The following PLA2R1 variants were observed in gnomAD, a reference collection of about 807,000 sequenced individuals.
PLA2R1 encodes the protein secretory phospholipase A2 receptor.
In PLA2R1, 158 loss-of-function variants were observed where a neutral mutation model predicts 195.9. The ratio of observed to expected loss-of-function variants is 0.81; its 90% confidence interval spans 0.71 to 0.92. PLA2R1 has a LOEUF of 0.92. Among genes scored for constraint, PLA2R1 ranks in the 40% least tolerant of loss-of-function variants. PLA2R1 has a pLI of 0.00. For missense variants in PLA2R1, 1,626 were observed against 1,764.6 expected (o/e 0.92, Z 1.41); for synonymous variants, 586 against 598.2 (o/e 0.98, Z 0.30).
chr2:160,029,779 C>A lies in PLA2R1; in HGVS notation c.842-816G>T, dbSNP rs1022198094. 3.9e-5 allele frequency among the ~76,000 whole-genome samples: 6 copies of A among 152,144 alleles called. No individual in the cohort carries two copies. In the East Asian group the frequency reaches 5.8e-4, roughly 15 times the overall value. On this transcript the variant is annotated intron_variant, in intron 4 of 29. Coordinates refer to ENST00000283243, the MANE Select transcript of PLA2R1 (RefSeq NM_007366.5). ...CAGCAAAATTTCGGGGGGAAAAAAA[C>A]CAAAACCTAGTGTCAGAAACATAAT...
rs191461860 is a variant in PLA2R1, at chr2:160,022,898, T to C, written c.1100-39A>G. On this transcript the variant is annotated intron_variant, in intron 6 of 29. Coordinates refer to ENST00000283243, the MANE Select transcript of PLA2R1 (RefSeq NM_007366.5). ...CAAAAAACAATGTCATTTTCCACAA[T>C]TATTTTAACATTACTTATTACAGCT... 74 of 1,392,122 alleles carry C rather than the reference T, an allele frequency of 5.3e-5. 3 individuals carry two copies. In the East Asian group the frequency reaches 1.1e-3, roughly 20 times the overall value. 86.2% of individuals were successfully genotyped at this position (1,392,122 alleles called of 1,614,324 possible).
chr2:159,943,446 T>C (rs1489033909), intron 28 of PLA2R1, among the ~76,000 whole-genome samples: 1 of 152,206 alleles, frequency 6.6e-6, no homozygotes, highest in African/African-American at 2.4e-5. Context: ...TATAGTGTAC[T>C]TGGGATAACC....
chr2:160,038,517 A>G lies in PLA2R1; in HGVS notation c.667+3508T>C, dbSNP rs115540774. 5.8e-3 allele frequency among the ~76,000 whole-genome samples: 890 copies of G among 152,322 alleles called. 4 individuals carry two copies. The highest frequency in any genetic ancestry group is 0.02 in the African/African-American group (831 of 41,568). On this transcript the variant is annotated intron_variant, in intron 3 of 29. Transcript: ENST00000283243. The stretch of plus-strand genomic sequence containing the variant: ...GAGCCCAGGTGGGGAGACTTGGCCC[A>G]TGTAGGAGGAGGAACATCATCCTCG...
chr2:159,949,985 C>G lies in PLA2R1; in HGVS notation c.3541-209G>C, dbSNP rs138292225. Among the ~76,000 whole-genome samples the G allele has an allele frequency of 4.7e-3, 720 of 152,338 alleles. 4 individuals carry two copies. Among genetic ancestry groups the G allele is most frequent in the South Asian group, 7.5e-3 (36 of 4,822 alleles). On this transcript the variant is annotated intron_variant, in intron 24 of 29. Transcript: ENST00000283243. ...TTGATTTTTAGGAATTCTTGGCTCC[C>G]TGCCACAATGATTTTCTAGTGAGCA...
At position 160,062,333 on chromosome 2, in the gene PLA2R1, G is replaced by A; in HGVS notation, c.71C>T (p.Ala24Val). ...GAPRGCAEGV[A>V]AALTPERLLE... ...GAGCCGCTCGGGGGTAAGCGCCGCC[G>A]CCACACCCTCGGCGCAGCCCCGCGG... Residue 24 changes from alanine to valine, a missense_variant, in exon 1 of 30, where the codon GCG becomes GTG. By Grantham distance (64) the Ala-to-Val change is moderately conservative. Transcript: ENST00000283243. 6.5e-7 allele frequency: 1 copy of A among 1,527,806 alleles called. No homozygotes were observed. The highest frequency in any genetic ancestry group is 8.8e-7 in the Non-Finnish European group (1 of 1,137,822). 94.6% of individuals were successfully genotyped at this position (1,527,806 alleles called of 1,614,324 possible).
intron 20 of PLA2R1, among the ~76,000 whole-genome samples, chr2:159,963,301 A>C: frequency 6.6e-6 from 1 of 152,224 alleles, no homozygotes; most frequent in East Asian, 1.9e-4. Flanking sequence ...ACAAACACAC[A>C]GGGGCAAATC....
At chr2:159,924,708 G>A in the PLA2R1 span, among the ~76,000 whole-genome samples, 22,867 of 99,246 alleles carry the variant, frequency 0.23, 2,099 homozygotes, top group South Asian at 0.49. Flanking sequence ...CTAGAAAACA[G>A]TTTTCTTTTA....
In PLA2R1 at chr2:159,956,524, C is replaced by G. The variant is rs545050830; in HGVS notation, c.3008G>C (p.Ser1003Thr). ...GAGTACTCTACCTTGCTCCACCTCA[C>G]TTTCAATGGCGACCAGGGTCCCCCC... is the stretch of plus-strand genomic sequence containing the variant. ...EEGGTLVAIE[S>T]EVEQAFITMN... is the part of the protein sequence containing the mutation. The change falls in exon 21 of 30, where the codon AGT becomes ACT. Residue 1003 changes from serine to threonine, a missense_variant. Coordinates refer to ENST00000283243, the MANE Select transcript of PLA2R1 (RefSeq NM_007366.5). 1 of 1,606,862 alleles carries G rather than the reference C, an allele frequency of 6.2e-7. No homozygotes were observed. The highest frequency in any genetic ancestry group is 2.2e-5 in the East Asian group (1 of 44,860).
chr2:160,050,078 C>A (rs1695123330), intron 1 of PLA2R1, among the ~76,000 whole-genome samples: 1 of 152,134 alleles, frequency 6.6e-6, no homozygotes, highest in Admixed American at 6.5e-5. Context: ...ATGCAACAAA[C>A]CTGCACATCC....
chr2:159,983,005 A>T (rs1341408680), intron 13 of PLA2R1, among the ~76,000 whole-genome samples: 2 of 152,232 alleles, frequency 1.3e-5, no homozygotes, highest in Non-Finnish European at 2.9e-5. Flanking sequence ...CTCACAATGC[A>T]GGCTGACTGA....
At chr2:160,003,784 G>A (rs1170229650) in intron 11 of PLA2R1, among the ~76,000 whole-genome samples, 1 of 152,132 alleles carries the variant, frequency 6.6e-6, no homozygotes, top group Non-Finnish European at 1.5e-5. Context: ...AGAGATATTT[G>A]TTGTAACACT....
chr2:160,042,232 A>T, intron 2 of PLA2R1, 34 bp from the exon 3 acceptor site: 1 of 1,579,944 alleles, frequency 6.3e-7, no homozygotes, highest in South Asian at 1.1e-5. Flanking sequence ...TCAGATAAGT[A>T]TGATGTCAGC....
chr2:159,976,931 A>G (rs1689602551), intron 15 of PLA2R1, among the ~76,000 whole-genome samples: 3 of 152,254 alleles, frequency 2.0e-5, no homozygotes, highest in African/African-American at 7.2e-5. Flanking sequence ...GAAGGACATG[A>G]GCACTTGCTG....
At chr2:159,929,594 A>G (rs756434996), downstream of PLA2R1, among the ~76,000 whole-genome samples, 7 of 152,220 alleles carry the variant, frequency 4.6e-5, no homozygotes, top group Non-Finnish European at 8.8e-5. Flanking sequence ...CAGTGTGGAG[A>G]TTCCTTTAAG....
intron 24 of PLA2R1, among the ~76,000 whole-genome samples, 200 bp downstream of exon 24, chr2:159,951,140 G>A (rs192623147): frequency 6.6e-6 from 1 of 152,330 alleles, no homozygotes; most frequent in Admixed American, 6.5e-5. Flanking sequence ...TTACCCTAAA[G>A]AGGTGTGCAC....
Position 159,987,339 on chromosome 2 carries a change from A to C in PLA2R1, c.1854T>G (p.Val618=). ...THQPRYSGGC[V]AMRGRHPLGR... is the part of the protein sequence containing the mutation. ...CAAGTGGATGCCTTCCTCGCATGGC[A>C]ACACAGCCACCACTGTAGCCTAAAA... The change falls in exon 12 of 30, where the codon GTT becomes GTG. Residue 618 remains valine (V), a synonymous_variant. Transcript: ENST00000283243. 1 of 1,611,310 alleles carries C rather than the reference A, an allele frequency of 6.2e-7. No individual in the cohort carries two copies.
intron 1 of PLA2R1, among the ~76,000 whole-genome samples, chr2:160,059,813 A>G (rs992730005): frequency 2.6e-4 from 40 of 152,172 alleles, no homozygotes; most frequent in Non-Finnish European, 1.6e-4. Flanking sequence ...AAGAAGCAAA[A>G]GCAGAAACCC....
At chr2:160,050,749 A>G (rs1438610368) in intron 1 of PLA2R1, among the ~76,000 whole-genome samples, 2 of 152,214 alleles carry the variant, frequency 1.3e-5, no homozygotes, top group Non-Finnish European at 2.9e-5. Flanking sequence ...ATTATACCCT[A>G]ATGCCAAAAT....
At chr2:159,959,744 C>T (rs1342654486) in intron 20 of PLA2R1, among the ~76,000 whole-genome samples, 1 of 152,088 alleles carries the variant, frequency 6.6e-6, no homozygotes, top group East Asian at 1.9e-4. Context: ...ATACAATAAG[C>T]CTGAAACCTC....
Sources: allele counts gnomAD v4.1 joint callset (sites outside exome capture counted in the v4.1 genomes callset), GRCh38; gene constraint gnomAD v4.1.1; transcripts MANE v1.5; gene names NCBI Gene and HGNC (gene_info 2026-07-23, HGNC 2026-07-21).